IGFL2: variants seen among roughly 807,000 people sequenced by gnomAD.
IGFL2 encodes insulin growth factor-like family member 2.
IGFL2 carries 7 observed loss-of-function variants against 13.9 expected under a neutral mutation model. That is an observed-to-expected ratio of 0.51 (90% confidence interval 0.29 to 0.95). IGFL2 has a LOEUF of 0.95. Ranked by LOEUF, IGFL2 falls within the 40% of genes least tolerant of loss-of-function variation. The probability of loss-of-function intolerance (pLI) is 0.08; values close to 1 mark genes in which losing one functional copy is unlikely to be tolerated. For synonymous variants in IGFL2, 55 were observed against 55.8 expected (o/e 0.99, Z 0.07); for missense variants, 138 against 147.8 (o/e 0.93, Z 0.34).
At chr19:46,181,803 A>G in the IGFL2 span, among the ~76,000 whole-genome samples, 2 of 152,240 alleles carry the variant, frequency 1.3e-5, no homozygotes, top group East Asian at 3.8e-4. Flanking sequence ...AAGTCTTTGC[A>G]ACAATACTGG....
chr19:46,160,224 C>G (rs1348471799), intron 1 of IGFL2, 191 bp from the exon 2 acceptor site: 1 of 607,870 alleles, frequency 1.6e-6, no homozygotes, highest in African/African-American at 1.8e-5. Flanking sequence ...CTAGAAGGGT[C>G]CATGCTTCTC....
At chr19:46,205,402 A>C in the IGFL2 span, among the ~76,000 whole-genome samples, 1 of 152,204 alleles carries the variant, frequency 6.6e-6, no homozygotes, top group Non-Finnish European at 1.5e-5. Flanking sequence ...AGTAGAAAGC[A>C]GATAACATGG....
At chr19:46,167,232 G>A in the IGFL2 span, among the ~76,000 whole-genome samples, 33 of 152,228 alleles carry the variant, frequency 2.2e-4, no homozygotes, top group African/African-American at 6.5e-4. Context: ...CTGACTTCCC[G>A]CAACAGGTAC....
the IGFL2 span, among the ~76,000 whole-genome samples, chr19:46,107,191 T>C: frequency 6.6e-6 from 1 of 152,154 alleles, no homozygotes; most frequent in East Asian, 1.9e-4. Flanking sequence ...AAGAAGGTAA[T>C]GTGGAGTGGG....
chr19:46,143,852 A>G (rs1213284776), upstream of IGFL2, among the ~76,000 whole-genome samples: 1 of 152,160 alleles, frequency 6.6e-6, no homozygotes, highest in African/African-American at 2.4e-5. Flanking sequence ...ACTGTGACCC[A>G]TCACTTGCCA....
At chr19:46,176,556 C>T in the IGFL2 span, among the ~76,000 whole-genome samples, 3 of 152,300 alleles carry the variant, frequency 2.0e-5, no homozygotes, top group African/African-American at 7.2e-5. Context: ...AAAGATTGCA[C>T]AGGGCCATTG....
rs1443005113 is a variant in IGFL2 at position 46,160,366 on chromosome 19, G to C, written c.20-49G>C. The C allele has an allele frequency of 3.2e-6, 5 of 1,556,320 alleles. No individual in the cohort carries two copies. In the Middle Eastern group the frequency reaches 6.7e-4, roughly 208 times the overall value. On this transcript the variant is annotated intron_variant, in intron 1 of 3. Coordinates refer to ENST00000377693, the MANE Select transcript of IGFL2 (RefSeq NM_001135113.2). ...GCCTGCCCTCCCTGAGATCAACCTAGTGGCCACACTTCCAGCCCCATCCTT... is the reference window on the plus strand; with the variant it reads ...GCCTGCCCTCCCTGAGATCAACCTACTGGCCACACTTCCAGCCCCATCCTT...
At chr19:46,172,182 A>C in the IGFL2 span, among the ~76,000 whole-genome samples, 2 of 152,180 alleles carry the variant, frequency 1.3e-5, no homozygotes, top group Admixed American at 6.5e-5. Context: ...GGTAGAAGAA[A>C]TCGTGTAAAG....
intron 1 of IGFL2, among the ~76,000 whole-genome samples, chr19:46,151,494 G>A (rs1423502872): frequency 6.6e-6 from 1 of 152,128 alleles, no homozygotes; most frequent in Non-Finnish European, 1.5e-5. Context: ...TGTCACTATA[G>A]CTTTGTGGTA....
At chr19:46,078,876 T>C in the IGFL2 span, among the ~76,000 whole-genome samples, 2 of 128,034 alleles carry the variant, frequency 1.6e-5, no homozygotes, top group East Asian at 5.0e-4. Flanking sequence ...TCAGTAGACA[T>C]CGCGCAGGCG....
At chr19:46,157,162 C>T (rs1457652112) in intron 1 of IGFL2, among the ~76,000 whole-genome samples, 1 of 152,070 alleles carries the variant, frequency 6.6e-6, no homozygotes, top group African/African-American at 2.4e-5. Context: ...AATCTCCAAG[C>T]CCAGATGGTT....
At chr19:46,083,066 G>A in the IGFL2 span, among the ~76,000 whole-genome samples, 4 of 152,144 alleles carry the variant, frequency 2.6e-5, no homozygotes, top group African/African-American at 9.7e-5. Flanking sequence ...CTGGACGCAC[G>A]GTAGCTCATA....
the IGFL2 span, chr19:46,208,631 T>C: frequency 6.6e-6 from 1 of 152,138 alleles, no homozygotes; most frequent in Non-Finnish European, 1.5e-5. Flanking sequence ...TGGTAGGTGA[T>C]TGGATCATGG....
In IGFL2 at chr19:46,148,296, C is replaced by T. The variant is rs776511804; in HGVS notation, c.18C>T (p.Phe6=). The part of the protein sequence containing the change: MVPRI[F]APAYVSVCLL... Reference sequence around the variant, plus strand: ...GAAGCTCCATGGTGCCCAGAATCTTCGGTAAGGTAACCCTTGCCCCAGGTT... The same window carrying T: ...GAAGCTCCATGGTGCCCAGAATCTTTGGTAAGGTAACCCTTGCCCCAGGTT... Residue 6 remains phenylalanine (F), a splice_region_variant and synonymous_variant, in exon 1 of 4, where the codon TTC becomes TTT. Transcript: ENST00000377693. 7.9e-5 allele frequency: 123 copies of T among 1,551,286 alleles called. No individual in the cohort carries two copies. The South Asian group carries it at 8.8e-4, about 11-fold the overall frequency.
the IGFL2 span, among the ~76,000 whole-genome samples, chr19:46,092,663 T>C: frequency 2.0e-5 from 3 of 151,832 alleles, no homozygotes; most frequent in Admixed American, 6.6e-5. Context: ...TTTTTTTTTG[T>C]AGAGATGGGA....
At chr19:46,082,270 T>TA in the IGFL2 span, among the ~76,000 whole-genome samples, 3 of 152,324 alleles carry the variant, frequency 2.0e-5, no homozygotes. Flanking sequence ...TTAAGACAGT[T>TA]AAACTCTCCT....
chr19:46,171,833 G>A, the IGFL2 span, among the ~76,000 whole-genome samples: 1 of 152,226 alleles, frequency 6.6e-6, no homozygotes, highest in Non-Finnish European at 1.5e-5. Flanking sequence ...TTCAGGAAAA[G>A]TGAGAATTTT....
At chr19:46,087,097 G>A in the IGFL2 span, among the ~76,000 whole-genome samples, 9 of 152,296 alleles carry the variant, frequency 5.9e-5, no homozygotes, top group African/African-American at 1.9e-4. Context: ...CAGGCCAATC[G>A]TTGGTCCTCC....
In IGFL2 at chr19:46,149,265, T is replaced by TCAC. The variant is rs575894465; in HGVS notation, c.19+970_19+972dup. On this transcript the variant is annotated intron_variant, in intron 1 of 3. Coordinates refer to ENST00000377693, the MANE Select transcript of IGFL2 (RefSeq NM_001135113.2). The stretch of plus-strand genomic sequence containing the variant: ...CTCTCTCTCTCTTTCTCTTTCCCAC[T>TCAC]CACCCCTCACCCTTTCCACCTCTCC... Among the ~76,000 whole-genome samples the TCAC allele has an allele frequency of 3.0e-5, 4 of 135,150 alleles. No individual in the cohort carries two copies. The South Asian group carries it at 1.1e-3, about 36-fold the overall frequency. The allele number at this position is 135,150 out of a possible 152,430, so 88.7% of individuals were successfully genotyped here. A position where few individuals can be genotyped will look rare whatever the true frequency, so the allele number is the denominator to read the frequency against.
Sources: allele counts gnomAD v4.1 joint callset (sites outside exome capture counted in the v4.1 genomes callset), GRCh38; gene constraint gnomAD v4.1.1; transcripts MANE v1.5; gene names NCBI Gene and HGNC (gene_info 2026-07-23, HGNC 2026-07-21).